The following DPYD variants were observed in gnomAD, a reference collection of about 807,000 sequenced individuals.
DPYD encodes the protein dihydropyrimidine dehydrogenase [NADP(+)].
Under a neutral mutation model 116.2 loss-of-function variants are expected in DPYD, and 109 were observed. That is an observed-to-expected ratio of 0.94 (90% CI 0.80 to 1.10). The LOEUF (loss-of-function observed/expected upper bound fraction) is 1.10, where lower values mean the gene tolerates loss of function less well. Ranked by LOEUF, DPYD falls within the 50% of genes least tolerant of loss-of-function variation. The pLI is 0.00. For missense variants in DPYD, 1,302 were observed against 1,254.5 expected, an observed-to-expected ratio of 1.04 and a Z score of -0.57; for synonymous variants, 440 against 432.0, an observed-to-expected ratio of 1.02 and a Z score of -0.23.
chr1:97,366,717 C>A (rs1671060239), intron 16 of DPYD, among the ~76,000 whole-genome samples: 1 of 152,138 alleles, frequency 6.6e-6, no homozygotes, highest in Non-Finnish European at 1.5e-5. Flanking sequence ...CAAGAACCTG[C>A]AGAAGATGTC....
At chr1:97,264,019 A>T (rs1463783495) in intron 18 of DPYD, among the ~76,000 whole-genome samples, 1 of 152,064 alleles carries the variant, frequency 6.6e-6, no homozygotes, top group African/African-American at 2.4e-5. Flanking sequence ...TTTTTTCTAA[A>T]ATAATGACTA....
intron 16 of DPYD, among the ~76,000 whole-genome samples, chr1:97,372,252 A>C (rs907205284): frequency 3.9e-5 from 6 of 152,208 alleles, no homozygotes; most frequent in Admixed American, 2.6e-4. Context: ...TGAGATTCAC[A>C]GACTGTGAAA....
At chr1:97,674,433 C>A (rs1660032794) in intron 8 of DPYD, among the ~76,000 whole-genome samples, 1 of 152,108 alleles carries the variant, frequency 6.6e-6, no homozygotes, top group Non-Finnish European at 1.5e-5. Context: ...TGATCAGTTA[C>A]CTAAATGTGT....
intron 8 of DPYD, among the ~76,000 whole-genome samples, chr1:97,646,287 C>A (rs1390433820): frequency 6.6e-6 from 1 of 151,706 alleles, no homozygotes; most frequent in East Asian, 1.9e-4. Context: ...TTTTCTCTCC[C>A]TATTCTTTAC....
At chr1:97,544,708 A>G (rs376251988) in intron 12 of DPYD, among the ~76,000 whole-genome samples, 18 of 151,740 alleles carry the variant, frequency 1.2e-4, no homozygotes, top group East Asian at 7.7e-4. Flanking sequence ...CTTTAGAATG[A>G]TATTGTGAAA....
At chr1:97,529,384 TTTTA>T (rs1649391591) in intron 12 of DPYD, among the ~76,000 whole-genome samples, 1 of 152,216 alleles carries the variant, frequency 6.6e-6, no homozygotes, top group Non-Finnish European at 1.5e-5. Flanking sequence ...AAGTAGTCTA[TTTTA>T]TTTATTAATG....
chr1:97,286,629 T>A (rs892235775), intron 18 of DPYD, among the ~76,000 whole-genome samples: 6 of 152,206 alleles, frequency 3.9e-5, no homozygotes, highest in Non-Finnish European at 5.9e-5. Flanking sequence ...CTTTTTATTC[T>A]TTTTTCTCTA....
chr1:97,469,397 CAAAAAAAAAAAAAAA>C (rs59090402), intron 13 of DPYD, among the ~76,000 whole-genome samples: 49 of 80,808 alleles, frequency 6.1e-4, no homozygotes, highest in African/African-American at 2.6e-3. Context: ...GCTAAAATTG[CAAAAAAAAAAAAAAA>C]AAAAAAAAAA....
chr1:97,645,282 C>A (rs76834760), intron 8 of DPYD, among the ~76,000 whole-genome samples: 1 of 151,992 alleles, frequency 6.6e-6, no homozygotes, highest in Non-Finnish European at 1.5e-5. Flanking sequence ...TCCTTGTACC[C>A]TCGTCAACAA....
At chr1:97,878,611 T>A (rs1351923762) in intron 2 of DPYD, among the ~76,000 whole-genome samples, 1 of 151,892 alleles carries the variant, frequency 6.6e-6, no homozygotes, top group African/African-American at 2.4e-5. Context: ...TTCAAGCTCA[T>A]CCTCCCTCCT....
intron 20 of DPYD, among the ~76,000 whole-genome samples, chr1:97,152,740 A>G (rs1028674715): frequency 2.0e-5 from 3 of 151,474 alleles, no homozygotes; most frequent in Non-Finnish European, 4.4e-5. Context: ...ATCATCATCA[A>G]TGTTTTCATC....
At chr1:97,347,806 TG>T (rs1327218321) in intron 16 of DPYD, among the ~76,000 whole-genome samples, 2 of 152,254 alleles carry the variant, frequency 1.3e-5, no homozygotes, top group Non-Finnish European at 2.9e-5. Context: ...CTTCATTTTT[TG>T]TAGTGAGACC....
chr1:97,813,956 C>A (rs1446054196), intron 3 of DPYD, among the ~76,000 whole-genome samples: 1 of 136,038 alleles, frequency 7.4e-6, no homozygotes, highest in Non-Finnish European at 1.6e-5. Flanking sequence ...ACACACACAC[C>A]CCTAAAATTT....
At chr1:97,564,876 T>G (rs1652406384) in intron 11 of DPYD, among the ~76,000 whole-genome samples, 1 of 152,190 alleles carries the variant, frequency 6.6e-6, no homozygotes, top group Non-Finnish European at 1.5e-5. Context: ...CCAAAATTAC[T>G]GACACTGTAG....
At chr1:97,134,534 A>C (rs571561303) in intron 20 of DPYD, among the ~76,000 whole-genome samples, 4 of 152,332 alleles carry the variant, frequency 2.6e-5, no homozygotes, top group Admixed American at 6.5e-5. Context: ...GATAAGAATT[A>C]AATGAATTGA....
chr1:97,211,907 T>A (rs1436129787), intron 19 of DPYD, among the ~76,000 whole-genome samples: 2 of 152,092 alleles, frequency 1.3e-5, no homozygotes, highest in African/African-American at 4.8e-5. Context: ...TTTGAAGAAA[T>A]AGAACTCCTA....
At chr1:97,109,720 A>G (rs1253445585) in intron 20 of DPYD, among the ~76,000 whole-genome samples, 1 of 152,108 alleles carries the variant, frequency 6.6e-6, no homozygotes, top group Non-Finnish European at 1.5e-5. Context: ...ATCCATCTAA[A>G]ACCCTATTTA....
At chr1:97,572,357 T>C (rs1009686592) in intron 11 of DPYD, among the ~76,000 whole-genome samples, 2 of 151,910 alleles carry the variant, frequency 1.3e-5, no homozygotes, top group African/African-American at 2.4e-5. Context: ...TATAAAATCG[T>C]ATCTGAGATT....
At chr1:97,847,811 T>A (rs1466124606) in intron 2 of DPYD, among the ~76,000 whole-genome samples, 1 of 152,112 alleles carries the variant, frequency 6.6e-6, no homozygotes, top group Non-Finnish European at 1.5e-5. Flanking sequence ...AAATTAAAAA[T>A]AAGGTTAAAC....
Sources: allele counts gnomAD v4.1 joint callset (sites outside exome capture counted in the v4.1 genomes callset), GRCh38; gene constraint gnomAD v4.1.1; transcripts MANE v1.5; gene names NCBI Gene and HGNC (gene_info 2026-07-23, HGNC 2026-07-21).